Variants in LARGE2 observed in about 807,000 individuals in gnomAD.
LARGE2 encodes the protein LARGE xylosyl- and glucuronyltransferase 2, also known as xylosyl- and glucuronyltransferase LARGE2.
In LARGE2, 63 loss-of-function variants were observed where a neutral mutation model predicts 75.3. The observed-to-expected ratio is 0.84, with a 90% CI of 0.68 to 1.03. The LOEUF (loss-of-function observed/expected upper bound fraction) is 1.03. Ranked by LOEUF, LARGE2 falls within the 50% of genes least tolerant of loss-of-function variation. LARGE2 has a pLI of 0.00. For missense variants in LARGE2, 925 were observed against 980.6 expected, an observed-to-expected ratio of 0.94 and a Z score of 0.76; for synonymous variants, 428 against 420.1, an observed-to-expected ratio of 1.02 and a Z score of -0.23.
At chr11:45,927,213 C>T (rs527617702) in intron 10 of LARGE2, 102 bp from the exon 11 acceptor site, 26 of 1,320,730 alleles carry the variant, frequency 2.0e-5, no homozygotes, top group Middle Eastern at 2.7e-4. Flanking sequence ...CAGTAAGTCA[C>T]TTGAGGAGGT....
chr11:45,926,293 G>C lies in LARGE2; in HGVS notation c.954G>C (p.Gln318His). The C allele has an allele frequency of 6.2e-7, 1 of 1,614,220 alleles. No individual in the cohort carries two copies. The highest frequency in any genetic ancestry group is 8.5e-7 in the Non-Finnish European group (1 of 1,180,036). ...VQRLPCVWNV[Q>H]LSDHTLAERC... is the part of the protein sequence containing the mutation. ...GTCTGCCTTGTGTCTGGAATGTGCAGCTGTCAGATCACACACTGGCCGAGC... is the reference window on the plus strand; with the variant it reads ...GTCTGCCTTGTGTCTGGAATGTGCACCTGTCAGATCACACACTGGCCGAGC... Residue 318 changes from glutamine (Q) to histidine (H), a missense_variant, in exon 8 of 14, where the codon CAG becomes CAC. By Grantham distance (24) the Gln-to-His change is conservative (BLOSUM62 0). Around this residue, in one of 3 missense-constraint regions of LARGE2, gnomAD observed 453 missense variants for 460.2 expected, o/e 0.98. Transcript: ENST00000401752.
At chr11:45,923,300 C>T in intron 2 of LARGE2, 133 bp downstream of exon 2, 1 of 1,118,026 alleles carries the variant, frequency 8.9e-7, no homozygotes, top group Non-Finnish European at 1.2e-6. Context: ...GCACCTCGAA[C>T]GTGCAGCTCC....
In LARGE2 at chr11:45,928,049, G is replaced by A. The variant is rs749915132; in HGVS notation, c.1734G>A (p.Ala578=). Residue 578 remains alanine, a synonymous_variant, in exon 12 of 14, where the codon GCG becomes GCA. Coordinates refer to ENST00000401752, the MANE Select transcript of LARGE2 (RefSeq NM_001300721.2). ...SKVELLALLD[A]GTLYTFRYHE... ...TGGAGCTGTTGGCCTTGCTGGATGC[G>A]GGCACTCTCTACACCTTCAGGTAGG... The A allele has an allele frequency of 9.3e-6, 15 of 1,613,814 alleles. No individual in the cohort carries two copies. Among genetic ancestry groups the A allele is most frequent in the African/African-American group, 4.0e-5 (3 of 75,000 alleles).
Position 45,929,057 on chromosome 11 carries a change from A to C in LARGE2, c.*212A>C. 1.4e-5 allele frequency: 9 copies of C among 621,666 alleles called. No homozygotes were observed. The South Asian group carries it at 1.8e-4, about 12-fold the overall frequency. 38.5% of individuals were successfully genotyped at this position (621,666 alleles called of 1,614,324 possible). Reference sequence around the variant, plus strand: ...TTTGGGGCTGGTTCCCCCATCTTGAATTGTTTATCCCTTTTTCATAATTAA... The same window carrying C: ...TTTGGGGCTGGTTCCCCCATCTTGACTTGTTTATCCCTTTTTCATAATTAA... On this transcript the variant is annotated 3_prime_UTR_variant, in exon 14 of 14. Coordinates refer to ENST00000401752, the MANE Select transcript of LARGE2 (RefSeq NM_001300721.2).
At chr11:45,922,503 G>C (rs1007870315), upstream of LARGE2, among the ~76,000 whole-genome samples, 3 of 152,236 alleles carry the variant, frequency 2.0e-5, no homozygotes, top group Admixed American at 1.3e-4. Context: ...ACTCAGCCCA[G>C]AAGGGGGCTT....
chr11:45,928,507 A>C, intron 13 of LARGE2, 123 bp from the exon 14 acceptor site: 1 of 1,530,370 alleles, frequency 6.5e-7, no homozygotes, highest in Non-Finnish European at 8.8e-7. Flanking sequence ...AATTAAAATA[A>C]TCTGCCCTTT....
chr11:45,925,000 G>A, intron 6 of LARGE2, 111 bp downstream of exon 6: 1 of 608,276 alleles, frequency 1.6e-6, no homozygotes, highest in Non-Finnish European at 2.7e-6. Flanking sequence ...ACATTGCTGT[G>A]AAAAGAACCC....
upstream of LARGE2, among the ~76,000 whole-genome samples, chr11:45,922,341 C>A (rs1267977270): frequency 6.6e-6 from 1 of 152,134 alleles, no homozygotes; most frequent in Non-Finnish European, 1.5e-5. Context: ...GATCCCGGGC[C>A]CGGGGACACT....
At chr11:45,928,438 C>T in intron 13 of LARGE2, 66 bp downstream of exon 13, 1 of 1,567,216 alleles carries the variant, frequency 6.4e-7, no homozygotes, top group Non-Finnish European at 8.7e-7. Context: ...GAACTCACGA[C>T]ACCTGCATGG....
Position 45,926,784 on chromosome 11 carries a change from A to C in LARGE2, c.1238A>C (p.His413Pro). Residue 413 changes from histidine (H) to proline (P), a missense_variant, in exon 10 of 14, where the codon CAC becomes CCC. This residue lies in a region of LARGE2 where 469 missense variants were observed against 503.8 expected (regional missense o/e 0.93). Coordinates refer to ENST00000401752, the MANE Select transcript of LARGE2 (RefSeq NM_001300721.2). ...TTCCGGCAGCAGCAGCTCACTGTGC[A>C]CCGTGTGCATGTCACTTTCCTGCCC... Reference protein sequence around the residue: ...FEFRQQQLTVHRVHVTFLPHE... With the variant: ...FEFRQQQLTVPRVHVTFLPHE... 1 of 1,613,648 alleles carries C rather than the reference A, an allele frequency of 6.2e-7. No individual in the cohort carries two copies. The highest frequency in any genetic ancestry group is 8.5e-7 in the Non-Finnish European group (1 of 1,180,022).
In LARGE2 at chr11:45,928,729, G is replaced by C; in HGVS notation, c.2050G>C (p.Asp684His). 6.2e-7 allele frequency: 1 copy of C among 1,614,146 alleles called. No individual in the cohort carries two copies. The highest frequency in any genetic ancestry group is 8.5e-7 in the Non-Finnish European group (1 of 1,180,042). Residue 684 changes from aspartate to histidine, a missense_variant, in exon 14 of 14, where the codon GAC (aspartate) becomes CAC (histidine). By Grantham distance (81) the Asp-to-His change is moderately conservative. Coordinates refer to ENST00000401752, the MANE Select transcript of LARGE2 (RefSeq NM_001300721.2). ...SRFRSSPTYR[D>H]CLQALKDEFH... ...CTTCCGCTCCAGCCCCACCTATCGT[G>C]ACTGCCTCCAGGCCCTCAAGGACGA...
chr11:45,922,375 G>A (rs886960626), upstream of LARGE2, among the ~76,000 whole-genome samples: 2 of 152,134 alleles, frequency 1.3e-5, no homozygotes, highest in African/African-American at 4.8e-5. Flanking sequence ...GGGGAGTGAG[G>A]GGAGGAGACG....
Position 45,922,695 on chromosome 11 carries a change from A to G in LARGE2, c.-96A>G, listed in dbSNP as rs2134709809. On this transcript the variant is annotated 5_prime_UTR_variant, in exon 1 of 14. Coordinates refer to ENST00000401752, the MANE Select transcript of LARGE2 (RefSeq NM_001300721.2). ...TCCCGCACCCTGGCCGGCGGCTGCG[A>G]GCGCAGGGCCCAGCCCGGGAGCCGC... is the stretch of plus-strand genomic sequence containing the variant. 2 of 395,482 alleles carry G rather than the reference A, an allele frequency of 5.1e-6. No homozygotes were observed. Among genetic ancestry groups the G allele is most frequent in the East Asian group, 8.1e-5 (2 of 24,540 alleles). 24.5% of individuals were successfully genotyped at this position (395,482 alleles called of 1,614,324 possible).
intron 3 of LARGE2, among the ~76,000 whole-genome samples, 144 bp from the exon 4 acceptor site, chr11:45,923,985 CAAAAAAAAAAAAAAAAAAAAAAAAA>C (rs60577963): frequency 7.2e-5 from 5 of 69,556 alleles, no homozygotes; most frequent in African/African-American, 1.3e-4. Flanking sequence ...GACTCCGTCT[CAAAAAAAAAAAAAAAAAAAAAAAAA>C]AAAAAAAAAA....
At chr11:45,924,357 G>C (rs1305837200) in intron 4 of LARGE2, 80 bp downstream of exon 4, 1 of 1,583,124 alleles carries the variant, frequency 6.3e-7, no homozygotes, top group Non-Finnish European at 8.6e-7. Context: ...GGTTGGAGAA[G>C]AGAATCATCA....
In LARGE2 at chr11:45,926,786, CGT is replaced by C; in HGVS notation, c.1244_1245del (p.Val415AlafsTer8). On this transcript the variant is annotated frameshift_variant, in exon 10 of 14. Coordinates refer to ENST00000401752, the MANE Select transcript of LARGE2 (RefSeq NM_001300721.2). LOFTEE classifies it high-confidence loss of function. The stretch of plus-strand genomic sequence containing the variant: ...CCGGCAGCAGCAGCTCACTGTGCAC[CGT>C]GTGCATGTCACTTTCCTGCCCCATG... Reference protein sequence around the residue: ...EFRQQQLTVHRVHVTFLPHEP... With the variant: ...EFRQQQLTVHXVHVTFLPHEP... The C allele has an allele frequency of 6.2e-7, 1 of 1,613,474 alleles. No homozygotes were observed. Among genetic ancestry groups the C allele is most frequent in the South Asian group, 1.1e-5 (1 of 91,082 alleles).
chr11:45,927,009 T>A, intron 10 of LARGE2, 138 bp downstream of exon 10: 1 of 968,164 alleles, frequency 1.0e-6, no homozygotes, highest in Non-Finnish European at 1.5e-6. Context: ...TTGGAGACAT[T>A]GGATATGGTG....
intron 4 of LARGE2, 84 bp from the exon 5 acceptor site, chr11:45,924,421 CT>C: frequency 2.6e-6 from 4 of 1,565,954 alleles, no homozygotes; most frequent in Non-Finnish European, 3.5e-6. Flanking sequence ...GGTTTACCCC[CT>C]CTCCTCTGTG....
chr11:45,927,831 T>A (rs773279113), intron 11 of LARGE2, 89 bp from the exon 12 acceptor site: 2 of 1,585,490 alleles, frequency 1.3e-6, no homozygotes, highest in South Asian at 2.2e-5. Context: ...CATGGTGGTC[T>A]AGTCCTGTGG....
Sources: allele counts gnomAD v4.1 joint callset (sites outside exome capture counted in the v4.1 genomes callset), GRCh38; gene constraint gnomAD v4.1.1; regional missense constraint gnomAD v4.1.1; transcripts MANE v1.5; gene names NCBI Gene and HGNC (gene_info 2026-07-23, HGNC 2026-07-21).